HECTD4: variants seen among roughly 807,000 people sequenced by gnomAD.
HECTD4 encodes probable E3 ubiquitin-protein ligase HECTD4.
In HECTD4, 114 loss-of-function variants were observed where a neutral mutation model predicts 471.5. The observed-to-expected ratio is 0.24, with a 90% CI of 0.21 to 0.28. HECTD4 has a LOEUF of 0.28. Ranked by LOEUF, HECTD4 falls within the 10% of genes least tolerant of loss-of-function variation. The pLI is 1.00. For synonymous variants in HECTD4, 2,012 were observed against 2,256.0 expected, an observed-to-expected ratio of 0.89 and a Z score of 3.07; for missense variants, 3,866 against 5,651.5, an observed-to-expected ratio of 0.68 and a Z score of 10.13.
At chr12:112,200,870 T>C (rs2032404437) in intron 54 of HECTD4, 72 bp from the exon 55 acceptor site, 1 of 1,360,748 alleles carries the variant, frequency 7.3e-7, no homozygotes, top group Non-Finnish European at 1.0e-6. Context: ...CGTGCGTGTG[T>C]GTGTGCGTGC....
Position 112,166,983 on chromosome 12 carries a change from C to G in HECTD4, c.12534+334G>C. On this transcript the variant is annotated intron_variant, in intron 72 of 75. Coordinates refer to ENST00000682272, the MANE Select transcript of HECTD4 (RefSeq NM_001388303.1). This position sits in a 1 kb window ranked among gnomAD's most constrained non-coding sequence, Gnocchi z 4.6. ...CCTGTGCTCTGAGTCCCTGAAAAAA[C>G]TCTTAACCTTCACCCCTACAGCTGT... The G allele has an allele frequency of 4.6e-6, 1 of 219,174 alleles. No individual in the cohort carries two copies. The highest frequency in any genetic ancestry group is 8.9e-6 in the Non-Finnish European group (1 of 112,356). The allele number at this position is 219,174 out of a possible 1,614,324, so 13.6% of individuals were successfully genotyped here. A position where few individuals can be genotyped will look rare whatever the true frequency, so the allele number is the denominator to read the frequency against.
At position 112,241,539 on chromosome 12, in the gene HECTD4, G is replaced by A. The variant is rs1239550948; in HGVS notation, c.4959-1512C>T. 2.0e-5 allele frequency among the ~76,000 whole-genome samples: 3 copies of A among 152,146 alleles called. No homozygotes were observed. The East Asian group carries it at 5.8e-4, about 29-fold the overall frequency. On this transcript the variant is annotated intron_variant, in intron 32 of 75. Coordinates refer to ENST00000682272, the MANE Select transcript of HECTD4 (RefSeq NM_001388303.1). ...CAGGGTGGTGCGATCACAGCTTACT[G>A]CAGCCTCAAGCTCCTGGCCTCAAGC...
At chr12:112,207,122 GTATGTA>G (rs2032613046) in intron 52 of HECTD4, among the ~76,000 whole-genome samples, 2 of 142,744 alleles carry the variant, frequency 1.4e-5, no homozygotes, top group Admixed American at 1.3e-4. Context: ...GTGTGTGTAT[GTATGTA>G]TGTATGTATG....
At chr12:112,335,681 CTG>C (rs2035944527) in intron 1 of HECTD4, among the ~76,000 whole-genome samples, 1 of 152,054 alleles carries the variant, frequency 6.6e-6, no homozygotes, top group Non-Finnish European at 1.5e-5. Context: ...GAGTGAGACT[CTG>C]TCTCAAAAAC....
chr12:112,201,103 A>T (rs1044498111), intron 54 of HECTD4: 8 of 467,116 alleles, frequency 1.7e-5, no homozygotes, highest in Middle Eastern at 4.5e-4. Flanking sequence ...ATCTTATTTT[A>T]TTTTTTTTGA....
At chr12:112,226,824 T>C in intron 43 of HECTD4, 66 bp from the exon 44 acceptor site, 2 of 1,177,684 alleles carry the variant, frequency 1.7e-6, no homozygotes, top group Non-Finnish European at 2.4e-6. Context: ...AAGTCAACTG[T>C]GAAAAACATT....
At chr12:112,204,664 C>T in intron 52 of HECTD4, 41 bp from the exon 53 acceptor site, 2 of 1,519,590 alleles carry the variant, frequency 1.3e-6, no homozygotes, top group Non-Finnish European at 1.8e-6. Context: ...CCAAAGAGTA[C>T]ACACAGATCA....
chr12:112,378,068 T>C (rs1261564748), intron 1 of HECTD4, among the ~76,000 whole-genome samples: 4 of 152,040 alleles, frequency 2.6e-5, no homozygotes, highest in African/African-American at 9.7e-5. Flanking sequence ...AAAGCTAGGG[T>C]CTAGTCATTG....
chr12:112,190,765 C>T, intron 60 of HECTD4, 21 bp downstream of exon 60: 1 of 1,549,844 alleles, frequency 6.5e-7, no homozygotes, highest in Non-Finnish European at 8.7e-7. Context: ...AGATTCCGAT[C>T]CCCAGGGAAG....
rs183729159 is a variant in HECTD4 at position 112,200,539 on chromosome 12, G to A, written c.8567+99C>T. On this transcript the variant is annotated intron_variant, in intron 55 of 75. Transcript: ENST00000682272. Reference sequence around the variant, plus strand: ...CCTTCTCTAAGTGTTAGCTTTGAAGGAAAAACTTTCTTGCTGAGGATAAAT... The same window carrying A: ...CCTTCTCTAAGTGTTAGCTTTGAAGAAAAAACTTTCTTGCTGAGGATAAAT... 1.7e-4 allele frequency: 220 copies of A among 1,306,674 alleles called. No homozygotes were observed. In the Middle Eastern group the frequency reaches 2.8e-3, roughly 17 times the overall value. 80.9% of individuals were successfully genotyped at this position (1,306,674 alleles called of 1,614,324 possible).
chr12:112,308,393 A>C (rs2035307007), intron 6 of HECTD4, among the ~76,000 whole-genome samples: 1 of 151,846 alleles, frequency 6.6e-6, no homozygotes, highest in Non-Finnish European at 1.5e-5. Flanking sequence ...AAATTGAATA[A>C]GGAAATGATG....
intron 70 of HECTD4, among the ~76,000 whole-genome samples, 182 bp downstream of exon 70, chr12:112,169,321 C>T (rs945981805): frequency 6.6e-6 from 1 of 152,232 alleles, no homozygotes; most frequent in African/African-American, 2.4e-5. Flanking sequence ...CCGAGGCTTC[C>T]ACAGGGGGCT....
At position 112,274,876 on chromosome 12, in the gene HECTD4, A is replaced by G; in HGVS notation, c.1772T>C (p.Leu591Pro). ...TCCTGGTACGAGAGCACCACGCCCC[A>G]GTGAGCTTCCAGCAGCATCTATGAG... ...ADLIDAAGSS[L>P]GRGALVPGLG... The change falls in exon 10 of 76, where the codon CTG becomes CCG. Residue 591 changes from leucine to proline, a missense_variant. Coordinates refer to ENST00000682272, the MANE Select transcript of HECTD4 (RefSeq NM_001388303.1). The G allele has an allele frequency of 6.5e-7, 1 of 1,549,756 alleles. No individual in the cohort carries two copies. Among genetic ancestry groups the G allele is most frequent in the Non-Finnish European group, 8.7e-7 (1 of 1,146,274 alleles).
chr12:112,367,955 C>T (rs1451868206), intron 1 of HECTD4, among the ~76,000 whole-genome samples: 4 of 150,200 alleles, frequency 2.7e-5, no homozygotes, highest in African/African-American at 9.8e-5. Context: ...ACACAAACTA[C>T]AGAGCACAAA....
chr12:112,237,016 C>T lies in HECTD4; in HGVS notation c.5373G>A (p.Glu1791=). ...TCCCAGCAGCCTGGTTGCCACAGCA[C>T]TCTGTGGCTCGGGCAAGATGGTTAG... ...LLTNHLARAT[E]CCGNQAAGND... The change falls in exon 35 of 76, where the codon GAG becomes GAA. Residue 1791 remains glutamate (E), a synonymous_variant. Coordinates refer to ENST00000682272, the MANE Select transcript of HECTD4 (RefSeq NM_001388303.1). The T allele has an allele frequency of 6.2e-7, 1 of 1,611,446 alleles. No individual in the cohort carries two copies.
At position 112,382,123 on chromosome 12, in the gene HECTD4, G is replaced by A. The variant is rs2036907010; in HGVS notation, c.6C>T (p.Gly2=). 3 of 1,217,748 alleles carry A rather than the reference G, an allele frequency of 2.5e-6. No homozygotes were observed. The highest frequency in any genetic ancestry group is 3.1e-6 in the Non-Finnish European group (3 of 982,224). The allele number at this position is 1,217,748 out of a possible 1,614,324, so 75.4% of individuals were successfully genotyped here. A position where few individuals can be genotyped will look rare whatever the true frequency, so the allele number is the denominator to read the frequency against. M[G]SSAAAAAAAA... is the part of the protein sequence containing the mutation. ...CCGCCGCCGCCGCGGCCGCCGACGAGCCCATGGCCCCGGCTGAAGGCTTGG... is the reference window on the plus strand; with the variant it reads ...CCGCCGCCGCCGCGGCCGCCGACGAACCCATGGCCCCGGCTGAAGGCTTGG... Residue 2 remains glycine (G), a synonymous_variant, in exon 1 of 76, where the codon GGC becomes GGT. Coordinates refer to ENST00000682272, the MANE Select transcript of HECTD4 (RefSeq NM_001388303.1).
chr12:112,298,402 T>G (rs1594022768), intron 7 of HECTD4, among the ~76,000 whole-genome samples: 1 of 152,192 alleles, frequency 6.6e-6, no homozygotes, highest in East Asian at 1.9e-4. Flanking sequence ...TAGCTTTCTG[T>G]ACTAAACATG....
intron 7 of HECTD4, chr12:112,302,461 G>T (rs544729887): frequency 2.7e-6 from 2 of 751,182 alleles, no homozygotes; most frequent in East Asian, 2.5e-5. Flanking sequence ...GCTGCTTATA[G>T]AGGATGGCTC....
In HECTD4 at chr12:112,163,158, T is replaced by C; in HGVS notation, c.13004A>G (p.Lys4335Arg). 6.2e-7 allele frequency: 1 copy of C among 1,613,998 alleles called. No individual in the cohort carries two copies. Among genetic ancestry groups the C allele is most frequent in the Non-Finnish European group, 8.5e-7 (1 of 1,179,870 alleles). The change falls in exon 75 of 76, where the codon AAG becomes AGG. Residue 4335 changes from lysine to arginine, a missense_variant. This residue lies in a region of HECTD4 where 715 missense variants were observed against 1,087.6 expected (regional missense o/e 0.66). Transcript: ENST00000682272. The surrounding 1 kb of genome is among the most constrained non-coding windows in gnomAD (Gnocchi z 8.2). ...GATGCGCTCCTGGTTGCAGGCAAAC[T>C]TGATGAACTTGCACAGCTCCTCCTG... ...FTQEELCKFI[K>R]FACNQERIPF...
Sources: gnomAD v4.1 joint callset for allele counts (sites outside exome capture counted in the v4.1 genomes callset) on GRCh38, gnomAD v4.1.1 for gene constraint, gnomAD v4.1.1 regional missense constraint, Gnocchi (gnomAD v3.1) non-coding constraint, MANE v1.5 for transcripts, NCBI Gene and HGNC (gene_info 2026-07-23, HGNC 2026-07-21) for gene names.